Variants in GRIN2B observed in about 807,000 individuals in gnomAD.
GRIN2B encodes glutamate ionotropic receptor NMDA type subunit 2B, also known as glutamate receptor ionotropic, NMDA 2B.
GRIN2B carries 5 observed loss-of-function variants against 114.5 expected under a neutral mutation model. The observed-to-expected ratio is 0.04, with a 90% CI of 0.02 to 0.09. The LOEUF is 0.09. Among genes scored for constraint, GRIN2B ranks in the 10% least tolerant of loss-of-function variants. GRIN2B has a pLI of 1.00. For missense variants in GRIN2B, 1,108 were observed against 1,943.5 expected (o/e 0.57, Z 8.08); for synonymous variants, 787 against 745.1 (o/e 1.06, Z -0.92).
At chr12:13,806,732 C>A (rs1864606438) in intron 3 of GRIN2B, among the ~76,000 whole-genome samples, 1 of 152,002 alleles carries the variant, frequency 6.6e-6, no homozygotes, top group Admixed American at 6.6e-5. Flanking sequence ...GATGCAATCC[C>A]ATTTGTCTAT....
intron 5 of GRIN2B, among the ~76,000 whole-genome samples, chr12:13,621,328 C>T (rs191260682): frequency 3.4e-4 from 51 of 152,186 alleles, no homozygotes; most frequent in Admixed American, 9.8e-4. Flanking sequence ...ATGAGGCTAA[C>T]AGGAGATATT....
chr12:13,877,421 A>G (rs1866006684), intron 2 of GRIN2B, among the ~76,000 whole-genome samples: 1 of 152,244 alleles, frequency 6.6e-6, no homozygotes, highest in Non-Finnish European at 1.5e-5. Context: ...CAGTGTACAT[A>G]GTTAGCCACA....
intron 2 of GRIN2B, among the ~76,000 whole-genome samples, chr12:13,973,255 G>T (rs1035055443): frequency 3.9e-5 from 6 of 151,954 alleles, no homozygotes; most frequent in African/African-American, 1.5e-4. Flanking sequence ...GCCCTGAGTG[G>T]GTCTATATAA....
At chr12:13,724,533 T>C (rs1862942469) in intron 4 of GRIN2B, among the ~76,000 whole-genome samples, 1 of 152,094 alleles carries the variant, frequency 6.6e-6, no homozygotes. Flanking sequence ...TGGGAAGACT[T>C]TGGCAAAATA....
intron 2 of GRIN2B, among the ~76,000 whole-genome samples, chr12:13,961,071 G>T (rs764333349): frequency 4.6e-5 from 7 of 151,472 alleles, no homozygotes; most frequent in South Asian, 4.2e-4. Flanking sequence ...CTGGAAGAAA[G>T]GATTCTGACG....
rs568696460 is a variant in GRIN2B, at chr12:13,795,942, G to C, written c.412-42027C>G. ...CACCAGGGCCTGTCGTGGGGTGAGG[G>C]GATGGGGGAGGGATAACATTAGGAG... On this transcript the variant is annotated intron_variant, in intron 3 of 13. Coordinates refer to ENST00000609686, the MANE Select transcript of GRIN2B (RefSeq NM_000834.5). Among the ~76,000 whole-genome samples, 36 of 152,194 alleles carry C rather than the reference G, an allele frequency of 2.4e-4. No homozygotes were observed. The South Asian group carries it at 7.5e-3, about 32-fold the overall frequency.
At chr12:13,898,881 G>A (rs1020753113) in intron 2 of GRIN2B, among the ~76,000 whole-genome samples, 2 of 152,182 alleles carry the variant, frequency 1.3e-5, no homozygotes, top group African/African-American at 2.4e-5. Flanking sequence ...ATTGCACTCC[G>A]TGGGCAACAA....
intron 2 of GRIN2B, among the ~76,000 whole-genome samples, chr12:13,944,194 C>A (rs1867323002): frequency 6.6e-6 from 1 of 152,166 alleles, no homozygotes; most frequent in Admixed American, 6.5e-5. Context: ...TTTGAACTGC[C>A]ACCATTTCCT....
intron 3 of GRIN2B, among the ~76,000 whole-genome samples, chr12:13,842,122 T>A (rs983115753): frequency 1.3e-5 from 2 of 152,114 alleles, no homozygotes; most frequent in Non-Finnish European, 2.9e-5. Context: ...CCACTGCCAG[T>A]ATGGGTCATG....
intron 3 of GRIN2B, among the ~76,000 whole-genome samples, chr12:13,770,720 A>G (rs1326858713): frequency 6.6e-6 from 1 of 152,152 alleles, no homozygotes; most frequent in African/African-American, 2.4e-5. Flanking sequence ...CCCTGTGTCC[A>G]TGTGTTCTCA....
chr12:13,666,124 G>A (rs1949972370), intron 5 of GRIN2B, among the ~76,000 whole-genome samples: 1 of 152,156 alleles, frequency 6.6e-6, no homozygotes, highest in South Asian at 2.1e-4. Context: ...TGGAGAATAG[G>A]GCAGTGGAGC....
intron 10 of GRIN2B, among the ~76,000 whole-genome samples, chr12:13,605,936 G>A (rs1191743175): frequency 6.6e-6 from 1 of 152,152 alleles, no homozygotes; most frequent in Non-Finnish European, 1.5e-5. Context: ...TTGATGCACG[G>A]TGACATGATC....
At chr12:13,738,402 G>T (rs902791761) in intron 4 of GRIN2B, among the ~76,000 whole-genome samples, 9 of 152,326 alleles carry the variant, frequency 5.9e-5, no homozygotes, top group African/African-American at 2.2e-4. Flanking sequence ...CAGAGGAATT[G>T]AAATGCTGTT....
chr12:13,631,926 G>C (rs1247059265), intron 5 of GRIN2B, among the ~76,000 whole-genome samples: 1 of 152,160 alleles, frequency 6.6e-6, no homozygotes, highest in East Asian at 1.9e-4. Flanking sequence ...AGAAAAGGCG[G>C]GTTTCCAGAT....
At chr12:13,719,340 A>G (rs916611876) in intron 4 of GRIN2B, among the ~76,000 whole-genome samples, 1 of 151,976 alleles carries the variant, frequency 6.6e-6, no homozygotes, top group Non-Finnish European at 1.5e-5. Flanking sequence ...TCCTTAATTC[A>G]CTTATCCACA....
In GRIN2B at chr12:13,608,807, G is replaced by A. The variant is rs1805522; in HGVS notation, c.1806C>T (p.Ile602=). ...CCCAGAGCAACCAAATAGCTTTGCC[G>A]ATGGTGAAAGAGGGTCCACCAGGCT... ...GREPGGPSFT[I]GKAIWLLWGL... is the part of the protein sequence containing the mutation. Residue 602 remains isoleucine, a synonymous_variant, in exon 10 of 14, where the codon ATC becomes ATT. Transcript: ENST00000609686. 0.048 allele frequency: 78,099 copies of A among 1,613,438 alleles called. 2,831 individuals carry two copies. The highest frequency in any genetic ancestry group is 0.18 in the East Asian group (8,110 of 44,860).
intron 3 of GRIN2B, among the ~76,000 whole-genome samples, chr12:13,805,450 C>T (rs1864584522): frequency 1.3e-5 from 2 of 152,124 alleles, no homozygotes; most frequent in South Asian, 4.1e-4. Flanking sequence ...AAGTGGTGTT[C>T]TTCAGTGCTA....
chr12:13,679,667 T>C (rs1591672457), intron 4 of GRIN2B, among the ~76,000 whole-genome samples: 1 of 152,210 alleles, frequency 6.6e-6, no homozygotes, highest in Non-Finnish European at 1.5e-5. Flanking sequence ...GAGTAATTTC[T>C]TGTGGTGTGA....
chr12:13,575,869 AATAAG>A (rs1280999672), intron 10 of GRIN2B, among the ~76,000 whole-genome samples: 2 of 152,164 alleles, frequency 1.3e-5, no homozygotes, highest in South Asian at 2.1e-4. Context: ...TATTTTAATG[AATAAG>A]ATAATATGTA....
Sources: gnomAD v4.1 joint callset for allele counts (sites outside exome capture counted in the v4.1 genomes callset) on GRCh38, gnomAD v4.1.1 for gene constraint, MANE v1.5 for transcripts, NCBI Gene and HGNC (gene_info 2026-07-23, HGNC 2026-07-21) for gene names.